The following ZNF263 variants were observed in gnomAD, a reference collection of about 807,000 sequenced individuals.
The protein encoded by ZNF263 is zinc finger protein 263.
In ZNF263, 49 loss-of-function variants were observed where a neutral mutation model predicts 63.1. The observed-to-expected ratio is 0.78, with a 90% confidence interval of 0.62 to 0.99. The LOEUF (loss-of-function observed/expected upper bound fraction) is 0.99. ZNF263 is among the 50% of genes least tolerant of loss of function. The probability of loss-of-function intolerance (pLI) is 0.00; values close to 1 mark genes in which losing one functional copy is unlikely to be tolerated. For synonymous variants in ZNF263, 352 were observed against 324.2 expected, an observed-to-expected ratio of 1.09 and a Z score of -0.92; for missense variants, 872 against 854.8, an observed-to-expected ratio of 1.02 and a Z score of -0.25.
chr16:3,300,313 A>G lies in ZNF263; in HGVS notation c.*47-600A>G, dbSNP rs770330630. ...TCTCTCTGCAGCAGCCTGAAGCTCCACGCCTCTTACCGGAACACCGGCTGA... is the reference window on the plus strand; with the variant it reads ...TCTCTCTGCAGCAGCCTGAAGCTCCGCGCCTCTTACCGGAACACCGGCTGA... On this transcript the variant is annotated intron_variant, in intron 2 of 2. Coordinates refer to the ZNF263 transcript ENST00000574674. The G allele has an allele frequency of 2.3e-5, 37 of 1,614,096 alleles. No homozygotes were observed. The East Asian group carries it at 8.2e-4, about 36-fold the overall frequency.
At position 3,285,918 on chromosome 16, in the gene ZNF263, C is replaced by G. The variant is rs1031131514; in HGVS notation, c.643-105C>G. 2.0e-5 allele frequency: 32 copies of G among 1,591,630 alleles called. No individual in the cohort carries two copies. The South Asian group carries it at 2.1e-4, about 10-fold the overall frequency. ...TGGAGGCCTGATACCCTTCTTCCCC[C>G]CTGACATGTGCTTGGCATCCCTGGA... is the stretch of plus-strand genomic sequence containing the variant. On this transcript the variant is annotated intron_variant, in intron 3 of 5. Transcript: ENST00000219069.
In ZNF263 at chr16:3,283,576, G is replaced by T. The variant is rs1437355230; in HGVS notation, c.-243G>T. 2 of 417,678 alleles carry T rather than the reference G, an allele frequency of 4.8e-6. No homozygotes were observed. Among genetic ancestry groups the T allele is most frequent in the Non-Finnish European group, 7.9e-6 (2 of 252,220 alleles). The allele number at this position is 417,678 out of a possible 1,614,324, so 25.9% of individuals were successfully genotyped here. On this transcript the variant is annotated 5_prime_UTR_variant, in exon 1 of 6. Coordinates refer to ENST00000219069, the MANE Select transcript of ZNF263 (RefSeq NM_005741.5). ...ATATAGGGTGAGAAGCGTGGCGCTCGGTTCCTGCCTCGGGGAAGTCCTGGC... is the reference window on the plus strand; with the variant it reads ...ATATAGGGTGAGAAGCGTGGCGCTCTGTTCCTGCCTCGGGGAAGTCCTGGC...
chr16:3,299,873 T>C, intron 2 of ZNF263: 1 of 1,600,444 alleles, frequency 6.2e-7, no homozygotes, highest in African/African-American at 1.3e-5. Flanking sequence ...GGTTTATATA[T>C]CACAGGCAAT....
Position 3,283,726 on chromosome 16 carries a change from T to C in ZNF263, c.-93T>C. On this transcript the variant is annotated 5_prime_UTR_variant, in exon 1 of 6. Coordinates refer to ENST00000219069, the MANE Select transcript of ZNF263 (RefSeq NM_005741.5). ...GGACTGGGAGCCCCCGGCCCCGGGC[T>C]CCTGCTGGCGCCGTCCAACCTTACA... 2 of 1,406,710 alleles carry C rather than the reference T, an allele frequency of 1.4e-6. No individual in the cohort carries two copies. Among genetic ancestry groups the C allele is most frequent in the Non-Finnish European group, 1.8e-6 (2 of 1,083,876 alleles). 87.1% of individuals were successfully genotyped at this position (1,406,710 alleles called of 1,614,324 possible). A position where few individuals can be genotyped will look rare whatever the true frequency, so the allele number is the denominator to read the frequency against.
intron 2 of ZNF263, chr16:3,300,195 T>A: frequency 1.2e-6 from 2 of 1,614,182 alleles, no homozygotes; most frequent in Non-Finnish European, 1.7e-6. Context: ...GTTCCCCACA[T>A]CCTTTTCGGT....
At chr16:3,297,184 C>A (rs891693985) in intron 1 of ZNF263, among the ~76,000 whole-genome samples, 1 of 151,340 alleles carries the variant, frequency 6.6e-6, no homozygotes, top group African/African-American at 2.4e-5. Flanking sequence ...GTAATCCCAG[C>A]TACTCAGGAG....
intron 1 of ZNF263, chr16:3,299,024 T>A: frequency 7.2e-7 from 1 of 1,379,398 alleles, no homozygotes; most frequent in Non-Finnish European, 9.4e-7. Context: ...TTATGAGGCC[T>A]AGGTTTCAAA....
chr16:3,288,271 C>T (rs1485989229), intron 4 of ZNF263, among the ~76,000 whole-genome samples, 183 bp from the exon 5 acceptor site: 1 of 151,786 alleles, frequency 6.6e-6, no homozygotes, highest in Non-Finnish European at 1.5e-5. Flanking sequence ...AAAAAAGTCT[C>T]CCTCCCCTAA....
chr16:3,285,844 C>A, intron 3 of ZNF263, 90 bp downstream of exon 3: 2 of 1,537,368 alleles, frequency 1.3e-6, no homozygotes, highest in East Asian at 2.2e-5. Context: ...GGTCCTTTGT[C>A]CCTTACCACA....
Position 3,284,022 on chromosome 16 carries a change from G to GT in ZNF263, c.205dup (p.Trp69LeufsTer5). The stretch of plus-strand genomic sequence containing the variant: ...GCCGGCTCCAAGAGCTTTGCCATGG[G>GT]TGGCTTCGGCCTGAGATGCGCACGA... On this transcript the variant is annotated frameshift_variant, in exon 1 of 6. Coordinates refer to ENST00000219069, the MANE Select transcript of ZNF263 (RefSeq NM_005741.5). LOFTEE classifies it high-confidence loss of function. The GT allele has an allele frequency of 6.2e-7, 1 of 1,613,930 alleles. No homozygotes were observed. The highest frequency in any genetic ancestry group is 1.3e-5 in the African/African-American group (1 of 75,068).
chr16:3,294,137 G>C (rs184462162), downstream of ZNF263, among the ~76,000 whole-genome samples: 112 of 152,320 alleles, frequency 7.4e-4, no homozygotes, highest in Middle Eastern at 3.4e-3. Context: ...ATGTTAGCCA[G>C]GATGGTCTCG....
At chr16:3,286,329 C>T in intron 4 of ZNF263, 180 bp downstream of exon 4, 1 of 865,248 alleles carries the variant, frequency 1.2e-6, no homozygotes, top group Middle Eastern at 3.8e-4. Context: ...ACAGTTGGCA[C>T]AGGCAGCCCG....
chr16:3,294,587 C>T (rs1236174050), downstream of ZNF263, among the ~76,000 whole-genome samples: 1 of 152,082 alleles, frequency 6.6e-6, no homozygotes, highest in East Asian at 1.9e-4. Context: ...ATATTTCCTT[C>T]CCATCATATA....
In ZNF263 at chr16:3,300,371, C is replaced by A. The variant is rs768216699; in HGVS notation, c.*47-542C>A. ...TGTTGGTACCACATGTAGACCGCAT[C>A]ATCTACATCACCATATTTGGCTCCC... On this transcript the variant is annotated intron_variant, in intron 2 of 2. Coordinates refer to the ZNF263 transcript ENST00000574674. 5.0e-6 allele frequency: 8 copies of A among 1,614,102 alleles called. No individual in the cohort carries two copies. The East Asian group carries it at 1.3e-4, about 27-fold the overall frequency.
chr16:3,292,352 C>A (rs1959633973), downstream of ZNF263, among the ~76,000 whole-genome samples: 1 of 152,192 alleles, frequency 6.6e-6, no homozygotes, highest in African/African-American at 2.4e-5. Flanking sequence ...TTTTTAATAT[C>A]TCACTATTTC....
chr16:3,283,925 G>T lies in ZNF263; in HGVS notation c.107G>T (p.Ser36Ile). 1 of 1,613,706 alleles carries T rather than the reference G, an allele frequency of 6.2e-7. No individual in the cohort carries two copies. Among genetic ancestry groups the T allele is most frequent in the Non-Finnish European group, 8.5e-7 (1 of 1,179,990 alleles). ...CTGCCCCCACCTGACCCAGGACCGA[G>T]CCCCGAGGCCTCCCACTTGCGCTTC... Reference protein sequence around the residue: ...QELPPPDPGPSPEASHLRFRR... With the variant: ...QELPPPDPGPIPEASHLRFRR... The change falls in exon 1 of 6, where the codon AGC (serine) becomes ATC (isoleucine). Residue 36 changes from serine to isoleucine, a missense_variant. By Grantham distance (142) the Ser-to-Ile change is moderately radical. Coordinates refer to ENST00000219069, the MANE Select transcript of ZNF263 (RefSeq NM_005741.5).
Position 3,284,022 on chromosome 16 carries a change from G to T in ZNF263, c.204G>T (p.Gly68=), listed in dbSNP as rs1305522250. The change falls in exon 1 of 6, where the codon GGG becomes GGT. Residue 68 remains glycine (G), a synonymous_variant. Coordinates refer to ENST00000219069, the MANE Select transcript of ZNF263 (RefSeq NM_005741.5). ...ALSRLQELCH[G]WLRPEMRTKE... ...GCCGGCTCCAAGAGCTTTGCCATGG[G>T]TGGCTTCGGCCTGAGATGCGCACGA... 6.2e-7 allele frequency: 1 copy of T among 1,613,930 alleles called. No homozygotes were observed. The highest frequency in any genetic ancestry group is 8.5e-7 in the Non-Finnish European group (1 of 1,179,960).
chr16:3,298,789 T>C (rs557879307), intron 1 of ZNF263: 213 of 385,890 alleles, frequency 5.5e-4, no homozygotes, highest in Non-Finnish European at 7.8e-4. Context: ...AAAATGAATT[T>C]ATGAAACACA....
In ZNF263 at chr16:3,286,148, GGGTAAGGACTTCTTTTCCA is replaced by G; in HGVS notation, c.769+2_769+20del. The G allele has an allele frequency of 6.3e-7, 1 of 1,583,632 alleles. No homozygotes were observed. The highest frequency in any genetic ancestry group is 8.5e-7 in the Non-Finnish European group (1 of 1,170,404). On this transcript the variant is annotated splice_donor_variant and splice_donor_5th_base_variant and coding_sequence_variant and intron_variant, in exon 4 of 6. Coordinates refer to ENST00000219069, the MANE Select transcript of ZNF263 (RefSeq NM_005741.5). LOFTEE classifies it high-confidence loss of function. ...AGAGTTATGAGAATGTGGACTCACT[GGGTAAGGACTTCTTTTCCA>G]GGGATGATGACTGCGCCATTTCTGA... is the stretch of plus-strand genomic sequence containing the variant.
Sources: gnomAD v4.1 joint callset for allele counts (sites outside exome capture counted in the v4.1 genomes callset) on GRCh38, gnomAD v4.1.1 for gene constraint, MANE v1.5 for transcripts, NCBI Gene and HGNC (gene_info 2026-07-23, HGNC 2026-07-21) for gene names.